The following METTL15 variants were observed in gnomAD, a reference collection of about 807,000 sequenced individuals.
The protein encoded by METTL15 is 12S rRNA N(4)-cytidine methyltransferase METTL15.
Under a neutral mutation model 38.3 loss-of-function variants are expected in METTL15, and 34 were observed. The observed-to-expected ratio is 0.89, with a 90% confidence interval of 0.68 to 1.18. METTL15 has a LOEUF of 1.18. METTL15 is among the 50% of genes most tolerant of loss of function. METTL15 has a pLI of 0.00. For missense variants in METTL15, 438 were observed against 498.4 expected, an observed-to-expected ratio of 0.88 and a Z score of 1.15; for synonymous variants, 162 against 170.9, an observed-to-expected ratio of 0.95 and a Z score of 0.41.
chr11:28,155,582 G>A (rs968668404), intron 3 of METTL15, among the ~76,000 whole-genome samples: 2 of 152,166 alleles, frequency 1.3e-5, no homozygotes, highest in African/African-American at 2.4e-5. Context: ...ATGAGAGGGA[G>A]AGGATAGGGA....
chr11:28,403,560 C>T (rs1486029964), intron 5 of METTL15, among the ~76,000 whole-genome samples: 1 of 151,904 alleles, frequency 6.6e-6, no homozygotes, highest in Non-Finnish European at 1.5e-5. Context: ...CAGGAGAAAA[C>T]AATATATGAC....
chr11:28,139,261 C>A (rs1192087762), intron 3 of METTL15, among the ~76,000 whole-genome samples: 1 of 151,666 alleles, frequency 6.6e-6, no homozygotes, highest in East Asian at 1.9e-4. Context: ...TTTTTTTTTC[C>A]CTCAAAGGAA....
At chr11:28,287,028 C>G (rs1237371100) in intron 4 of METTL15, among the ~76,000 whole-genome samples, 4 of 150,366 alleles carry the variant, frequency 2.7e-5, no homozygotes, top group African/African-American at 7.3e-5. Context: ...TATATATGTA[C>G]TCTCCGCACT....
At chr11:28,492,140 G>A (rs1272947491) in intron 6 of METTL15, among the ~76,000 whole-genome samples, 1 of 152,168 alleles carries the variant, frequency 6.6e-6, no homozygotes, top group Non-Finnish European at 1.5e-5. Context: ...TGCTATCAGA[G>A]AAGCAATTCT....
At chr11:28,390,935 G>T (rs1850499275) in intron 5 of METTL15, among the ~76,000 whole-genome samples, 2 of 152,124 alleles carry the variant, frequency 1.3e-5, no homozygotes, top group African/African-American at 2.4e-5. Context: ...CCCTTGAAGA[G>T]GTCCTTCACG....
intron 6 of METTL15, among the ~76,000 whole-genome samples, chr11:28,459,812 C>T (rs1400509988): frequency 3.3e-5 from 5 of 151,844 alleles, no homozygotes; most frequent in African/African-American, 1.2e-4. Context: ...TATGTTTGTC[C>T]CTTGTCATTT....
chr11:28,134,383 C>T (rs991155687), intron 3 of METTL15, among the ~76,000 whole-genome samples: 1 of 152,176 alleles, frequency 6.6e-6, no homozygotes, highest in Non-Finnish European at 1.5e-5. Flanking sequence ...ACCCCATTCC[C>T]CCGTGCGTAT....
At chr11:28,333,539 C>G (rs572042384), downstream of METTL15, 1 of 152,224 alleles carries the variant, frequency 6.6e-6, no homozygotes, top group East Asian at 1.9e-4. Flanking sequence ...ATCATTTTAA[C>G]ATAGTATCAA....
downstream of METTL15, among the ~76,000 whole-genome samples, chr11:28,531,570 C>T (rs2133522202): frequency 6.6e-6 from 1 of 152,144 alleles, no homozygotes; most frequent in East Asian, 1.9e-4. Flanking sequence ...CTCTCCGATC[C>T]TGTTTCCTTT....
At chr11:28,402,074 T>C (rs1850635484) in intron 5 of METTL15, among the ~76,000 whole-genome samples, 1 of 151,980 alleles carries the variant, frequency 6.6e-6, no homozygotes, top group African/African-American at 2.4e-5. Flanking sequence ...CTTTATGAAA[T>C]ATTCTAGATA....
intron 6 of METTL15, among the ~76,000 whole-genome samples, chr11:28,317,452 G>A (rs1590315279): frequency 6.6e-6 from 1 of 151,876 alleles, no homozygotes; most frequent in Admixed American, 6.6e-5. Flanking sequence ...CTGGCAAACA[G>A]GTGCAAGAGC....
In METTL15 at chr11:28,464,261, CAT is replaced by C. The variant is rs1299039792; in HGVS notation, c.*424+39900_*424+39901del. Among the ~76,000 whole-genome samples, 12 of 152,180 alleles carry C rather than the reference CAT, an allele frequency of 7.9e-5. No individual in the cohort carries two copies. The East Asian group carries it at 2.1e-3, about 27-fold the overall frequency. ...TGAAAATAGCTAAAAATATATATAT[CAT>C]ATGAATGGGAAGGCTTCCATTACCT... On this transcript the variant is annotated intron_variant and NMD_transcript_variant, in intron 6 of 7. Transcript: ENST00000532947.
chr11:28,191,171 T>C (rs1007429643), intron 3 of METTL15, among the ~76,000 whole-genome samples: 2 of 151,476 alleles, frequency 1.3e-5, no homozygotes, highest in African/African-American at 4.8e-5. Context: ...CAATATTGAT[T>C]ACAATACTTT....
intron 6 of METTL15, among the ~76,000 whole-genome samples, chr11:28,316,833 A>G (rs1489837721): frequency 6.6e-6 from 1 of 152,176 alleles, no homozygotes; most frequent in African/African-American, 2.4e-5. Context: ...GCCTGCTGCA[A>G]TGCATGTAAG....
intron 6 of METTL15, among the ~76,000 whole-genome samples, chr11:28,438,426 G>A (rs183287970): frequency 5.7e-4 from 87 of 152,220 alleles, no homozygotes; most frequent in African/African-American, 1.9e-3. Flanking sequence ...CCTTCCTTTG[G>A]TCCCAAATAT....
intron 3 of METTL15, among the ~76,000 whole-genome samples, chr11:28,130,361 A>G (rs1025499057): frequency 6.6e-6 from 1 of 152,072 alleles, no homozygotes; most frequent in African/African-American, 2.4e-5. Flanking sequence ...GCGTAGGGTG[A>G]TATGTGTGAG....
intron 4 of METTL15, among the ~76,000 whole-genome samples, chr11:28,215,667 T>C (rs1390808974): frequency 6.6e-6 from 1 of 152,132 alleles, no homozygotes; most frequent in Admixed American, 6.6e-5. Flanking sequence ...AACTATAATG[T>C]TTTTGAAGGG....
At chr11:28,345,075 G>T (rs759568450) in intron 3 of METTL15, among the ~76,000 whole-genome samples, 20 of 152,028 alleles carry the variant, frequency 1.3e-4, no homozygotes, top group Non-Finnish European at 2.2e-4. Context: ...ATCACTACAG[G>T]TATATCTGGC....
chr11:28,511,786 G>A (rs1427726060), intron 6 of METTL15, among the ~76,000 whole-genome samples: 2 of 152,202 alleles, frequency 1.3e-5, no homozygotes, highest in East Asian at 1.9e-4. Flanking sequence ...ATTGCAAAGA[G>A]CGAAAGAACA....
Sources: allele counts gnomAD v4.1 joint callset (sites outside exome capture counted in the v4.1 genomes callset), GRCh38; gene constraint gnomAD v4.1.1; transcripts MANE v1.5; gene names NCBI Gene and HGNC (gene_info 2026-07-23, HGNC 2026-07-21).